WWP2: variants seen among roughly 807,000 people sequenced by gnomAD.
The protein encoded by WWP2 is NEDD4-like E3 ubiquitin-protein ligase WWP2.
WWP2 carries 57 observed loss-of-function variants against 121.0 expected under a neutral mutation model. That is an observed-to-expected ratio of 0.47 (90% CI 0.38 to 0.59). WWP2 has a LOEUF of 0.59. WWP2 is among the 20% of genes least tolerant of loss of function. The probability of loss-of-function intolerance (pLI) is 0.00; values close to 1 mark genes in which losing one functional copy is unlikely to be tolerated. For missense variants in WWP2, 962 were observed against 1,158.9 expected (o/e 0.83, Z 2.47); for synonymous variants, 449 against 441.3 (o/e 1.02, Z -0.22).
In WWP2 at chr16:69,772,731, G is replaced by A. The variant is rs191491697; in HGVS notation, c.-16+10340G>A. 5.9e-5 allele frequency among the ~76,000 whole-genome samples: 9 copies of A among 152,176 alleles called. No homozygotes were observed. The East Asian group carries it at 9.7e-4, about 16-fold the overall frequency. On this transcript the variant is annotated intron_variant, in intron 1 of 23. Transcript: ENST00000359154. ...ACTGGTGGGTGTGTCTTGTGGGGAG[G>A]TGCTTTTGGTGCCTCTTCCCTGTTT...
At chr16:69,836,112 T>C (rs2056873041) in intron 4 of WWP2, among the ~76,000 whole-genome samples, 1 of 152,156 alleles carries the variant, frequency 6.6e-6, no homozygotes, top group African/African-American at 2.4e-5. Context: ...CATAAAACCA[T>C]AGTACTACTA....
intron 6 of WWP2, among the ~76,000 whole-genome samples, chr16:69,850,300 T>C (rs2057180367): frequency 6.7e-6 from 1 of 148,516 alleles, no homozygotes; most frequent in South Asian, 2.1e-4. Flanking sequence ...GGCAGGAGAA[T>C]GGTGTGAACC....
At chr16:69,885,304 C>T (rs1196459456) in intron 7 of WWP2, among the ~76,000 whole-genome samples, 2 of 152,144 alleles carry the variant, frequency 1.3e-5, no homozygotes, top group African/African-American at 4.8e-5. Context: ...TTGTGTTTTA[C>T]TGGCTTGCCT....
chr16:69,768,998 C>T (rs1394928993), intron 1 of WWP2, among the ~76,000 whole-genome samples: 3 of 152,178 alleles, frequency 2.0e-5, no homozygotes, highest in Non-Finnish European at 2.9e-5. Flanking sequence ...ATCTTTTGGA[C>T]AGAGCTTTTC....
At chr16:69,783,771 C>A (rs189320219) in intron 1 of WWP2, among the ~76,000 whole-genome samples, 2,215 of 111,190 alleles carry the variant, frequency 0.02, 27 homozygotes, top group Non-Finnish European at 0.027. Flanking sequence ...CGTAGTGAGA[C>A]CTTGTTTCTA....
chr16:69,795,185 G>A (rs2056003034), intron 2 of WWP2, among the ~76,000 whole-genome samples: 1 of 152,004 alleles, frequency 6.6e-6, no homozygotes, highest in African/African-American at 2.4e-5. Context: ...GCAGTGAGCC[G>A]TGATCGTGCC....
At chr16:69,798,543 G>A (rs1185294765) in intron 2 of WWP2, 139 bp from the exon 3 acceptor site, 2 of 962,548 alleles carry the variant, frequency 2.1e-6, no homozygotes, top group Non-Finnish European at 2.8e-6. Context: ...TCTTTAAAAA[G>A]TTTTTAGAAT....
intron 6 of WWP2, among the ~76,000 whole-genome samples, chr16:69,870,266 G>A (rs985162766): frequency 2.7e-5 from 4 of 149,454 alleles, no homozygotes; most frequent in Non-Finnish European, 3.0e-5. Flanking sequence ...ATATACTTCT[G>A]TAGCCATTAT....
At chr16:69,777,573 T>A (rs2055562823) in intron 1 of WWP2, among the ~76,000 whole-genome samples, 1 of 151,846 alleles carries the variant, frequency 6.6e-6, no homozygotes, top group Non-Finnish European at 1.5e-5. Context: ...AGTGTTGGGA[T>A]TACAGGCATG....
intron 5 of WWP2, among the ~76,000 whole-genome samples, chr16:69,841,362 G>A (rs974459397): frequency 6.6e-6 from 1 of 152,198 alleles, no homozygotes; most frequent in African/African-American, 2.4e-5. Flanking sequence ...TGAGGAAGCT[G>A]AGACTTGGAG....
rs929700242 is a variant in WWP2 at position 69,795,280 on chromosome 16, A to C, written c.71-3402A>C. ...CGGATACACACACACACACACACAC[A>C]CACACACACACACATACACAGAGAC... On this transcript the variant is annotated intron_variant, in intron 2 of 23. Transcript: ENST00000359154. 2.5e-3 allele frequency among the ~76,000 whole-genome samples: 383 copies of C among 152,028 alleles called. 3 individuals are homozygous for C. The highest frequency in any genetic ancestry group is 8.6e-3 in the African/African-American group (357 of 41,456).
Position 69,937,357 on chromosome 16 carries a change from A to T in WWP2, c.2238+119A>T, listed in dbSNP as rs117592988. 216 of 1,509,664 alleles carry T rather than the reference A, an allele frequency of 1.4e-4. No homozygotes were observed. In the East Asian group the frequency reaches 4.9e-3, roughly 34 times the overall value. 93.5% of individuals were successfully genotyped at this position (1,509,664 alleles called of 1,614,324 possible). A position where few individuals can be genotyped will look rare whatever the true frequency, so the allele number is the denominator to read the frequency against. On this transcript the variant is annotated intron_variant, in intron 20 of 23. Coordinates refer to ENST00000359154, the MANE Select transcript of WWP2 (RefSeq NM_001270454.2). This position sits in a 1 kb window ranked among gnomAD's most constrained non-coding sequence, Gnocchi z 6.6. ...TAAAACTCCCACTTCGGCAGGGCAGATGGGTTTGATTTGGGACCCACCCTT... is the reference window on the plus strand; with the variant it reads ...TAAAACTCCCACTTCGGCAGGGCAGTTGGGTTTGATTTGGGACCCACCCTT...
At chr16:69,826,938 C>CA (rs542288952) in intron 4 of WWP2, among the ~76,000 whole-genome samples, 1,937 of 85,012 alleles carry the variant, frequency 0.023, 51 homozygotes, top group Non-Finnish European at 0.031. Context: ...GACTCCACCT[C>CA]AAAAAAAAAA....
intron 6 of WWP2, among the ~76,000 whole-genome samples, chr16:69,871,217 G>C (rs892905766): frequency 3.9e-5 from 6 of 152,186 alleles, no homozygotes; most frequent in Non-Finnish European, 5.9e-5. Flanking sequence ...CCAAGAGTTT[G>C]AGGCTGCAAT....
chr16:69,835,067 C>A (rs2056851754), intron 4 of WWP2, among the ~76,000 whole-genome samples: 1 of 152,156 alleles, frequency 6.6e-6, no homozygotes, highest in African/African-American at 2.4e-5. Context: ...TGTGAGCTTC[C>A]TATATGCTAA....
At chr16:69,911,358 A>G (rs4985453) in intron 9 of WWP2, among the ~76,000 whole-genome samples, 113,414 of 152,176 alleles carry the variant, frequency 0.75, 43,083 homozygotes, top group East Asian at 0.96. Flanking sequence ...CTGTGAAACA[A>G]GAGGATTGAG....
At chr16:69,802,160 C>T (rs2151817990) in intron 4 of WWP2, among the ~76,000 whole-genome samples, 1 of 152,180 alleles carries the variant, frequency 6.6e-6, no homozygotes, top group Non-Finnish European at 1.5e-5. Context: ...GATCTCCTGA[C>T]CTCGTGATCT....
chr16:69,853,154 A>G (rs1425253117), intron 6 of WWP2, among the ~76,000 whole-genome samples: 5 of 152,222 alleles, frequency 3.3e-5, no homozygotes, highest in Non-Finnish European at 7.3e-5. Flanking sequence ...TCGGAGCTAT[A>G]TCAGTTGGGG....
intron 8 of WWP2, among the ~76,000 whole-genome samples, chr16:69,893,094 CTCTT>C (rs1445822404): frequency 9.2e-5 from 14 of 152,250 alleles, no homozygotes; most frequent in Non-Finnish European, 4.4e-5. Flanking sequence ...ATGCTGGTCA[CTCTT>C]TCTGAAACCT....
Sources: allele counts gnomAD v4.1 joint callset (sites outside exome capture counted in the v4.1 genomes callset), GRCh38; gene constraint gnomAD v4.1.1; non-coding constraint Gnocchi (gnomAD v3.1); transcripts MANE v1.5; gene names NCBI Gene and HGNC (gene_info 2026-07-23, HGNC 2026-07-21).